AAK1: variants seen among roughly 807,000 people sequenced by gnomAD.
The protein encoded by AAK1 is AP2-associated protein kinase 1.
Under a neutral mutation model 116.0 loss-of-function variants are expected in AAK1, and 37 were observed. The observed-to-expected ratio is 0.32, with a 90% CI of 0.25 to 0.42. The LOEUF is 0.42. AAK1 is among the 10% of genes least tolerant of loss of function. The pLI is 1.00. For missense variants in AAK1, 919 were observed against 1,170.6 expected (o/e 0.79, Z 3.14); for synonymous variants, 458 against 439.9 (o/e 1.04, Z -0.51).
intron 2 of AAK1, chr2:69,598,430 A>C: frequency 3.7e-6 from 1 of 270,032 alleles, no homozygotes; most frequent in African/African-American, 2.2e-5. Context: ...AAAACCCATT[A>C]AGTTTGAAGA....
chr2:69,559,942 A>G (rs1274951264), intron 2 of AAK1, among the ~76,000 whole-genome samples: 4 of 152,210 alleles, frequency 2.6e-5, no homozygotes, highest in African/African-American at 7.2e-5. Flanking sequence ...GACTGAAGAA[A>G]TGGGTCAGTC....
intron 2 of AAK1, among the ~76,000 whole-genome samples, chr2:69,595,915 T>C (rs60895225): frequency 0.11 from 17,441 of 152,216 alleles, 2,306 homozygotes; most frequent in African/African-American, 0.3. Flanking sequence ...CCAATGCTCA[T>C]TGGCCAGACT....
In AAK1 at chr2:69,489,084, G is replaced by A. The variant is rs553266500; in HGVS notation, c.2366-6272C>T. ...TCATCTCAAACTCCTGGCCTCAGGC[G>A]ATCCACCCAACTCAGCCTCCCAAAG... On this transcript the variant is annotated intron_variant, in intron 17 of 21. Coordinates refer to ENST00000409085, the MANE Select transcript of AAK1 (RefSeq NM_014911.5). Among the ~76,000 whole-genome samples the A allele has an allele frequency of 7.3e-5, 11 of 150,584 alleles. No individual in the cohort carries two copies. The South Asian group carries it at 8.4e-4, about 12-fold the overall frequency.
At chr2:69,495,582 A>C (rs1228229596) in intron 17 of AAK1, among the ~76,000 whole-genome samples, 5 of 152,170 alleles carry the variant, frequency 3.3e-5, no homozygotes, top group African/African-American at 1.2e-4. Context: ...GCAGTCACCC[A>C]CAATCCCATG....
At position 69,462,766 on chromosome 2, in the gene AAK1, A is replaced by G. The variant is rs2104854539; in HGVS notation, c.*13103T>C. 6.6e-6 allele frequency: 1 copy of G among 152,298 alleles called. No homozygotes were observed. Among genetic ancestry groups the G allele is most frequent in the East Asian group, 1.9e-4 (1 of 5,188 alleles). 9.4% of individuals were successfully genotyped at this position (152,298 alleles called of 1,614,324 possible). On this transcript the variant is annotated 3_prime_UTR_variant, in exon 22 of 22. Transcript: ENST00000409085. ...CTCATGTTTTTGAGGGCTTCACTTG[A>G]TAATGACCATGGGAAGAATCTGGGG... is the stretch of plus-strand genomic sequence containing the variant.
chr2:69,571,342 T>C (rs186473234), intron 2 of AAK1, among the ~76,000 whole-genome samples: 174 of 152,332 alleles, frequency 1.1e-3, no homozygotes, highest in Non-Finnish European at 1.9e-3. Context: ...TGGCTGCTAC[T>C]GTCAGCCATG....
At chr2:69,582,205 TACA>T (rs1672575594) in intron 2 of AAK1, among the ~76,000 whole-genome samples, 1 of 152,198 alleles carries the variant, frequency 6.6e-6, no homozygotes, top group South Asian at 2.1e-4. Context: ...ATCTATTTTT[TACA>T]AAAGCCTCAC....
intron 17 of AAK1, among the ~76,000 whole-genome samples, chr2:69,489,498 A>G (rs1675438637): frequency 6.6e-6 from 1 of 151,622 alleles, no homozygotes; most frequent in Non-Finnish European, 1.5e-5. Flanking sequence ...ACAGGCTAAT[A>G]AAACCAAGGG....
At chr2:69,637,557 C>A (rs2105270308) in intron 2 of AAK1, among the ~76,000 whole-genome samples, 1 of 152,298 alleles carries the variant, frequency 6.6e-6, no homozygotes, top group African/African-American at 2.4e-5. Flanking sequence ...TCTCTGCTAG[C>A]TCACAGTGCT....
At chr2:69,485,630 G>A (rs1460481211) in intron 17 of AAK1, among the ~76,000 whole-genome samples, 2 of 151,872 alleles carry the variant, frequency 1.3e-5, no homozygotes, top group East Asian at 1.9e-4. Context: ...CTGGGGAGGT[G>A]GAAAGAACAG....
rs1447284481 is a variant in AAK1 at position 69,474,663 on chromosome 2, C to T, written c.*1206G>A. 2.5e-5 allele frequency: 25 copies of T among 985,586 alleles called. No individual in the cohort carries two copies. The highest frequency in any genetic ancestry group is 2.8e-5 in the Non-Finnish European group (23 of 829,916). 61.1% of individuals were successfully genotyped at this position (985,586 alleles called of 1,614,324 possible). The stretch of plus-strand genomic sequence containing the variant: ...CCAGATTGTGTCCAGCTTGTCAGCA[C>T]ACTTATTTCTGATTATCTGAAAATA... On this transcript the variant is annotated 3_prime_UTR_variant, in exon 22 of 22. Coordinates refer to ENST00000409085, the MANE Select transcript of AAK1 (RefSeq NM_014911.5).
intron 17 of AAK1, among the ~76,000 whole-genome samples, chr2:69,484,139 T>C (rs1300841452): frequency 2.6e-5 from 4 of 152,196 alleles, no homozygotes; most frequent in Admixed American, 6.5e-5. Flanking sequence ...ATTAAAATGT[T>C]TGCTTGAGAA....
At chr2:69,600,006 T>C (rs948967815) in intron 2 of AAK1, among the ~76,000 whole-genome samples, 5 of 151,282 alleles carry the variant, frequency 3.3e-5, no homozygotes, top group African/African-American at 1.2e-4. Flanking sequence ...GGTCTTGAAC[T>C]CCTGGGCTCA....
Position 69,480,857 on chromosome 2 carries a change from G to A in AAK1, c.2569+3C>T. The A allele has an allele frequency of 6.3e-7, 1 of 1,587,732 alleles. No individual in the cohort carries two copies. Among genetic ancestry groups the A allele is most frequent in the East Asian group, 2.3e-5 (1 of 43,778 alleles). ...CCTGCAGCTGCAGAGACACCTGACTGACCTGTGCGATTCGAGGTCACAGAT... is the reference window on the plus strand; with the variant it reads ...CCTGCAGCTGCAGAGACACCTGACTAACCTGTGCGATTCGAGGTCACAGAT... On this transcript the variant is annotated splice_donor_region_variant and intron_variant, in intron 19 of 21. Coordinates refer to ENST00000409085, the MANE Select transcript of AAK1 (RefSeq NM_014911.5).
chr2:69,527,154 C>A, intron 9 of AAK1, 62 bp downstream of exon 9: 3 of 1,216,396 alleles, frequency 2.5e-6, no homozygotes, highest in Non-Finnish European at 3.6e-6. Flanking sequence ...GATTAACACC[C>A]CAGGAGCTCA....
intron 17 of AAK1, among the ~76,000 whole-genome samples, chr2:69,486,835 T>C (rs1465176729): frequency 6.6e-6 from 1 of 152,204 alleles, no homozygotes; most frequent in Non-Finnish European, 1.5e-5. Flanking sequence ...GTTCTCTCTG[T>C]ATCTGTCTAG....
At chr2:69,588,323 T>C (rs183674821) in intron 2 of AAK1, among the ~76,000 whole-genome samples, 2 of 152,318 alleles carry the variant, frequency 1.3e-5, no homozygotes, top group East Asian at 3.9e-4. Context: ...ATCAGGTGGG[T>C]ACCTGACATC....
chr2:69,515,617 C>T (rs1317170096), intron 12 of AAK1, among the ~76,000 whole-genome samples: 2 of 152,166 alleles, frequency 1.3e-5, no homozygotes, highest in African/African-American at 4.8e-5. Context: ...GCATGAGCCA[C>T]TGTATCTGGC....
At chr2:69,553,437 G>GTTTTTTTTTT (rs70954350) in intron 3 of AAK1, among the ~76,000 whole-genome samples, 5 of 79,598 alleles carry the variant, frequency 6.3e-5, no homozygotes, top group African/African-American at 2.1e-4. Context: ...ATTGAAAGTT[G>GTTTTTTTTTT]TTTTTTTTTT....
Sources: gnomAD v4.1 joint callset for allele counts (sites outside exome capture counted in the v4.1 genomes callset) on GRCh38, gnomAD v4.1.1 for gene constraint, MANE v1.5 for transcripts, NCBI Gene and HGNC (gene_info 2026-07-23, HGNC 2026-07-21) for gene names.